Variants in ROBO2 observed in about 807,000 individuals in gnomAD.
ROBO2 encodes roundabout guidance receptor 2.
ROBO2 carries 53 observed loss-of-function variants against 160.8 expected under a neutral mutation model. The ratio of observed to expected loss-of-function variants is 0.33; its 90% CI spans 0.26 to 0.41. ROBO2 has a LOEUF of 0.41. Among genes scored for constraint, ROBO2 ranks in the 10% least tolerant of loss-of-function variants. The pLI is 1.00. For missense variants in ROBO2, 1,577 were observed against 1,722.4 expected (o/e 0.92, Z 1.49); for synonymous variants, 664 against 611.7 (o/e 1.09, Z -1.26).
At chr3:76,493,337 T>TTATATA (rs57835432) in intron 2 of ROBO2, among the ~76,000 whole-genome samples, 3,343 of 104,728 alleles carry the variant, frequency 0.032, 150 homozygotes, top group South Asian at 0.051. Context: ...AGACAAAAAA[T>TTATATA]TATATATATA....
intron 2 of ROBO2, among the ~76,000 whole-genome samples, chr3:76,374,317 C>T (rs539999454): frequency 2.0e-5 from 3 of 151,980 alleles, no homozygotes; most frequent in African/African-American, 4.8e-5. Context: ...ATATCTTAAT[C>T]CTTTTTCTGC....
intron 2 of ROBO2, among the ~76,000 whole-genome samples, chr3:77,107,113 G>A (rs776567069): frequency 4.6e-5 from 7 of 152,146 alleles, no homozygotes; most frequent in Non-Finnish European, 8.8e-5. Context: ...GTTTTGTGAG[G>A]CCCCACCTCC....
chr3:76,453,497 C>T (rs1000946190), intron 2 of ROBO2, among the ~76,000 whole-genome samples: 5 of 152,022 alleles, frequency 3.3e-5, no homozygotes, highest in East Asian at 1.9e-4. Context: ...AGATATGCGG[C>T]ATTATTTCTG....
At position 76,645,587 on chromosome 3, in the gene ROBO2, G is replaced by C. The variant is rs141140751; in HGVS notation, c.110-452427G>C. Among the ~76,000 whole-genome samples, 241 of 152,310 alleles carry C rather than the reference G, an allele frequency of 1.6e-3. 2 individuals carry two copies. Among genetic ancestry groups the C allele is most frequent in the African/African-American group, 5.4e-3 (226 of 41,584 alleles). On this transcript the variant is annotated intron_variant, in intron 2 of 26. Coordinates refer to the ROBO2 transcript ENST00000487694. ...AACTCTTAGTCTAGACAGAGAGAGAGAGAATAAGAGAGTGGGCAGGGAGGG... is the reference window on the plus strand; with the variant it reads ...AACTCTTAGTCTAGACAGAGAGAGACAGAATAAGAGAGTGGGCAGGGAGGG...
chr3:77,315,840 G>A (rs950542023), intron 2 of ROBO2, among the ~76,000 whole-genome samples: 11 of 152,064 alleles, frequency 7.2e-5, no homozygotes, highest in African/African-American at 2.2e-4. Flanking sequence ...AGTTTGTCTC[G>A]TCTTAAAAAG....
chr3:76,085,754 C>T (rs953324907), intron 2 of ROBO2, among the ~76,000 whole-genome samples: 2 of 152,036 alleles, frequency 1.3e-5, no homozygotes, highest in African/African-American at 2.4e-5. Flanking sequence ...AAACCTGAAC[C>T]GTAATTGAGG....
intron 2 of ROBO2, among the ~76,000 whole-genome samples, chr3:76,693,660 C>T (rs553352147): frequency 6.6e-6 from 1 of 152,098 alleles, no homozygotes; most frequent in African/African-American, 2.4e-5. Context: ...AGGAGTTGAT[C>T]GTGTATCTCT....
At chr3:76,434,194 G>C (rs1246266587) in intron 2 of ROBO2, 9 of 1,110,896 alleles carry the variant, frequency 8.1e-6, no homozygotes. Flanking sequence ...AAAGAGACTG[G>C]GGGAGACGTG....
chr3:76,797,588 G>A (rs2063801405), intron 2 of ROBO2, among the ~76,000 whole-genome samples: 2 of 150,068 alleles, frequency 1.3e-5, no homozygotes, highest in African/African-American at 4.9e-5. Context: ...GATCAGATTA[G>A]AAAAAAGAAA....
chr3:76,907,823 G>GGGTGTGTGTGTGT (rs112697690), intron 2 of ROBO2, among the ~76,000 whole-genome samples: 2 of 145,432 alleles, frequency 1.4e-5, no homozygotes, highest in African/African-American at 2.6e-5. Flanking sequence ...GTTTGTTTGG[G>GGGTGTGTGTGTGT]GTGTGTGTGT....
intron 2 of ROBO2, among the ~76,000 whole-genome samples, chr3:77,286,522 C>T (rs1291293439): frequency 6.6e-6 from 1 of 152,150 alleles, no homozygotes; most frequent in African/African-American, 2.4e-5. Flanking sequence ...TCCCAAACTG[C>T]TGGGATTACA....
chr3:77,236,467 C>A lies in ROBO2; in HGVS notation c.388+138127C>A, dbSNP rs191606731. Among the ~76,000 whole-genome samples, 228 of 152,332 alleles carry A rather than the reference C, an allele frequency of 1.5e-3. 1 individual carries two copies. The highest frequency in any genetic ancestry group is 1.8e-3 in the Non-Finnish European group (125 of 68,026). On this transcript the variant is annotated intron_variant, in intron 2 of 25. Coordinates refer to ENST00000461745, the Ensembl canonical transcript of ROBO2. ...CGCATGTCCAACTCTCGCTTCCCAT[C>A]ATGGCCTGAGCCAGTTTTTCAGGGT... is the stretch of plus-strand genomic sequence containing the variant.
At chr3:76,239,917 T>C (rs1315444479) in intron 2 of ROBO2, among the ~76,000 whole-genome samples, 1 of 151,934 alleles carries the variant, frequency 6.6e-6, no homozygotes, top group Non-Finnish European at 1.5e-5. Flanking sequence ...AGAAACCATG[T>C]TGATGATGAG....
intron 2 of ROBO2, among the ~76,000 whole-genome samples, chr3:77,431,698 C>G (rs549262178): frequency 6.6e-6 from 1 of 152,226 alleles, no homozygotes; most frequent in Admixed American, 6.5e-5. Context: ...AGAATCTATA[C>G]TTGGCTCCCT....
intron 2 of ROBO2, among the ~76,000 whole-genome samples, chr3:76,078,903 GC>G (rs1246154750): frequency 1.3e-5 from 2 of 152,010 alleles, no homozygotes; most frequent in African/African-American, 4.8e-5. Context: ...ATTCATTGTT[GC>G]CTGTGTTTTA....
chr3:76,724,048 T>C (rs1228663629), intron 2 of ROBO2, among the ~76,000 whole-genome samples: 1 of 152,206 alleles, frequency 6.6e-6, no homozygotes, highest in Non-Finnish European at 1.5e-5. Flanking sequence ...CCCACTCCCA[T>C]GTAGACACTG....
At chr3:76,061,306 A>G (rs2068062966) in intron 2 of ROBO2, among the ~76,000 whole-genome samples, 1 of 152,180 alleles carries the variant, frequency 6.6e-6, no homozygotes, top group Admixed American at 6.5e-5. Context: ...CAACCAAGTT[A>G]ATAATTAGGA....
intron 2 of ROBO2, among the ~76,000 whole-genome samples, chr3:77,293,727 T>C (rs868194164): frequency 3.2e-4 from 39 of 122,722 alleles, no homozygotes; most frequent in African/African-American, 7.4e-4. Context: ...GTAAAATTGA[T>C]GGTTAAACGG....
At chr3:75,964,613 A>C (rs1358023454) in intron 2 of ROBO2, among the ~76,000 whole-genome samples, 2 of 151,594 alleles carry the variant, frequency 1.3e-5, no homozygotes, top group East Asian at 3.9e-4. Flanking sequence ...TGAGATGCAG[A>C]TGCTTTAGAC....
Sources: allele counts gnomAD v4.1 joint callset (sites outside exome capture counted in the v4.1 genomes callset), GRCh38; gene constraint gnomAD v4.1.1; transcripts MANE v1.5; gene names NCBI Gene and HGNC (gene_info 2026-07-23, HGNC 2026-07-21).